The following GALNT13 variants were observed in gnomAD, a reference collection of about 807,000 sequenced individuals.
GALNT13 encodes the protein UDP-GalNAc:polypeptide N-acetylgalactosaminyltransferase 13.
GALNT13 carries 28 observed loss-of-function variants against 64.2 expected under a neutral mutation model. That is an observed-to-expected ratio of 0.44 (90% CI 0.32 to 0.60). GALNT13 has a LOEUF of 0.60. GALNT13 is among the 20% of genes least tolerant of loss of function. The probability of loss-of-function intolerance (pLI) is 0.05; values close to 1 mark genes in which losing one functional copy is unlikely to be tolerated. For synonymous variants in GALNT13, 214 were observed against 224.6 expected (o/e 0.95, Z 0.42); for missense variants, 577 against 669.8 (o/e 0.86, Z 1.53).
chr2:153,687,805 T>C, the GALNT13 span, among the ~76,000 whole-genome samples: 1 of 151,952 alleles, frequency 6.6e-6, no homozygotes, highest in Non-Finnish European at 1.5e-5. Flanking sequence ...TAAGTACCTT[T>C]AGGAATTAAA....
chr2:153,783,392 G>T, the GALNT13 span, among the ~76,000 whole-genome samples: 1 of 146,068 alleles, frequency 6.8e-6, no homozygotes, highest in South Asian at 2.2e-4. Flanking sequence ...AGAGATTTCT[G>T]TTTTTGTTTT....
the GALNT13 span, among the ~76,000 whole-genome samples, chr2:153,434,335 G>A: frequency 1.3e-5 from 2 of 152,140 alleles, no homozygotes; most frequent in African/African-American, 4.8e-5. Flanking sequence ...AATCCTTTGG[G>A]TATATACCCA....
At chr2:154,110,019 A>AT (rs1308591347) in intron 3 of GALNT13, among the ~76,000 whole-genome samples, 6 of 151,488 alleles carry the variant, frequency 4.0e-5, no homozygotes, top group Non-Finnish European at 8.8e-5. Context: ...TTTCTTTTCA[A>AT]TTTTTTTGGA....
At chr2:153,617,237 C>T in the GALNT13 span, among the ~76,000 whole-genome samples, 1 of 151,902 alleles carries the variant, frequency 6.6e-6, no homozygotes, top group African/African-American at 2.4e-5. Flanking sequence ...AGATATGTTC[C>T]TTCTGTACCC....
At chr2:153,111,975 GACTAT>G in the GALNT13 span, among the ~76,000 whole-genome samples, 1 of 152,062 alleles carries the variant, frequency 6.6e-6, no homozygotes, top group African/African-American at 2.4e-5. Context: ...TTATTTAAAA[GACTAT>G]ACTAGGCAAT....
At chr2:154,450,320 T>C in intron 12 of GALNT13, 91 bp from the exon 13 acceptor site, 2 of 1,171,596 alleles carry the variant, frequency 1.7e-6, no homozygotes, top group Non-Finnish European at 2.4e-6. Flanking sequence ...ATAAAAATCA[T>C]AAAGGATTTT....
chr2:154,425,421 C>T (rs947524025), intron 11 of GALNT13, among the ~76,000 whole-genome samples: 1 of 152,074 alleles, frequency 6.6e-6, no homozygotes. Context: ...TCAGTAAGAA[C>T]CTCAAAGATC....
At chr2:153,627,562 T>C in the GALNT13 span, among the ~76,000 whole-genome samples, 1 of 152,158 alleles carries the variant, frequency 6.6e-6, no homozygotes, top group Non-Finnish European at 1.5e-5. Flanking sequence ...CAACACAACA[T>C]AAATGATCAT....
At chr2:154,067,728 A>C (rs1355666961) in intron 3 of GALNT13, among the ~76,000 whole-genome samples, 1 of 152,140 alleles carries the variant, frequency 6.6e-6, no homozygotes, top group Non-Finnish European at 1.5e-5. Context: ...AAAGTGGATT[A>C]AATACTTAAA....
At chr2:153,808,492 G>A in the GALNT13 span, among the ~76,000 whole-genome samples, 1 of 151,860 alleles carries the variant, frequency 6.6e-6, no homozygotes, top group East Asian at 1.9e-4. Context: ...AATCTCCAGG[G>A]TTCTCCCCTC....
At chr2:153,864,885 C>A in the GALNT13 span, among the ~76,000 whole-genome samples, 223 of 146,896 alleles carry the variant, frequency 1.5e-3, 1 homozygote, top group Admixed American at 3.2e-3. Context: ...AAGCTGGAGG[C>A]ATCACGCTAC....
chr2:153,866,719 G>A, the GALNT13 span, among the ~76,000 whole-genome samples: 1 of 152,098 alleles, frequency 6.6e-6, no homozygotes, highest in African/African-American at 2.4e-5. Flanking sequence ...AACTTTTAAT[G>A]AGATATTGCT....
At chr2:153,226,829 C>T in the GALNT13 span, among the ~76,000 whole-genome samples, 1 of 152,126 alleles carries the variant, frequency 6.6e-6, no homozygotes. Flanking sequence ...ATAATGCATC[C>T]AGCTCGGTTA....
At chr2:153,950,576 C>A (rs944960837) in intron 3 of GALNT13, among the ~76,000 whole-genome samples, 1 of 151,860 alleles carries the variant, frequency 6.6e-6, no homozygotes, top group Non-Finnish European at 1.5e-5. Context: ...TAGTCATATA[C>A]CCAAGAAAAT....
intron 8 of GALNT13, 130 bp from the exon 9 acceptor site, chr2:154,301,279 G>A: frequency 1.4e-6 from 1 of 739,864 alleles, no homozygotes; most frequent in East Asian, 2.5e-5. Flanking sequence ...TAAGTATAGT[G>A]TACCAGTTCT....
the GALNT13 span, among the ~76,000 whole-genome samples, chr2:153,093,339 A>G: frequency 2.7e-5 from 4 of 150,710 alleles, no homozygotes; most frequent in South Asian, 8.3e-4. Context: ...GCTGGGTTCA[A>G]GCAATTCTCC....
chr2:153,133,385 G>C, the GALNT13 span, among the ~76,000 whole-genome samples: 1 of 152,108 alleles, frequency 6.6e-6, no homozygotes, highest in African/African-American at 2.4e-5. Context: ...CCCTTTGCAG[G>C]GGGTAGGAGC....
intron 9 of GALNT13, among the ~76,000 whole-genome samples, chr2:154,312,047 G>A (rs917775368): frequency 1.3e-5 from 2 of 152,088 alleles, no homozygotes; most frequent in Non-Finnish European, 2.9e-5. Flanking sequence ...ACAGGGTCCT[G>A]AGACGATATA....
the GALNT13 span, among the ~76,000 whole-genome samples, chr2:153,123,184 A>G: frequency 6.6e-6 from 1 of 152,188 alleles, no homozygotes; most frequent in Non-Finnish European, 1.5e-5. Context: ...TGCATCTGCA[A>G]GCTAGGAAAC....
Sources: gnomAD v4.1 joint callset for allele counts (sites outside exome capture counted in the v4.1 genomes callset) on GRCh38, gnomAD v4.1.1 for gene constraint, MANE v1.5 for transcripts, NCBI Gene and HGNC (gene_info 2026-07-23, HGNC 2026-07-21) for gene names.